TBC1D1: variants seen among roughly 807,000 people sequenced by gnomAD.
TBC1D1 encodes the protein TBC1 domain family member 1.
TBC1D1 carries 89 observed loss-of-function variants against 125.6 expected under a neutral mutation model. The observed-to-expected ratio is 0.71, with a 90% confidence interval of 0.60 to 0.85. The LOEUF (loss-of-function observed/expected upper bound fraction) is 0.85. Among genes scored for constraint, TBC1D1 ranks in the 40% least tolerant of loss-of-function variants. The pLI is 0.00. For missense variants in TBC1D1, 1,377 were observed against 1,469.2 expected (o/e 0.94, Z 1.03); for synonymous variants, 565 against 564.1 (o/e 1.00, Z -0.02).
Position 38,021,646 on chromosome 4 carries a change from G to C in TBC1D1, c.1138G>C (p.Ala380Pro). 6.3e-7 allele frequency: 1 copy of C among 1,597,226 alleles called. No individual in the cohort carries two copies. The highest frequency in any genetic ancestry group is 8.5e-7 in the Non-Finnish European group (1 of 1,172,370). The change falls in exon 6 of 20, where the codon GCT becomes CCT. Residue 380 changes from alanine (A) to proline (P), a missense_variant. Transcript: ENST00000261439. ...CACGGTGGCCGCAGTGCAGCAGACA[G>C]CTAAGGCGCCAGCCCAGCTGTGTGA...
At chr4:38,019,604 C>A (rs1463392252) in intron 4 of TBC1D1, among the ~76,000 whole-genome samples, 3 of 152,118 alleles carry the variant, frequency 2.0e-5, no homozygotes, top group Non-Finnish European at 4.4e-5. Flanking sequence ...ATTACCTGAA[C>A]ATTAAGCTAT....
At chr4:38,052,172 T>C (rs1750692037) in intron 11 of TBC1D1, 112 bp downstream of exon 12, 1 of 322,752 alleles carries the variant, frequency 3.1e-6, no homozygotes, top group Non-Finnish European at 4.8e-6. Flanking sequence ...AGCCACTGTG[T>C]GTGTGTGTGT....
intron 7 of TBC1D1, among the ~76,000 whole-genome samples, chr4:38,031,402 G>T (rs1269584789): frequency 6.6e-6 from 1 of 152,192 alleles, no homozygotes; most frequent in Non-Finnish European, 1.5e-5. Flanking sequence ...GTTGGATTTT[G>T]CATGGTTTTA....
At chr4:37,930,219 A>G (rs1419622440) in intron 2 of TBC1D1, among the ~76,000 whole-genome samples, 3 of 152,252 alleles carry the variant, frequency 2.0e-5, no homozygotes, top group African/African-American at 7.2e-5. Flanking sequence ...TTCTAAAAAC[A>G]TAATGCTGAT....
At chr4:38,062,281 T>TC (rs1161464780) in intron 12 of TBC1D1, among the ~76,000 whole-genome samples, 1 of 152,070 alleles carries the variant, frequency 6.6e-6, no homozygotes, top group African/African-American at 2.4e-5. Context: ...TTTTTTTTTT[T>TC]CCCTGCGTGT....
At chr4:38,134,529 G>A (rs1029092497) in intron 19 of TBC1D1, among the ~76,000 whole-genome samples, 5 of 152,206 alleles carry the variant, frequency 3.3e-5, no homozygotes, top group African/African-American at 9.7e-5. Context: ...GGTACACAGT[G>A]TAGGTGGTCA....
intron 2 of TBC1D1, among the ~76,000 whole-genome samples, chr4:37,962,488 C>G (rs1730246873): frequency 6.6e-6 from 1 of 152,146 alleles, no homozygotes; most frequent in Non-Finnish European, 1.5e-5. Context: ...AAATTTTACT[C>G]TTATAGCTGT....
chr4:37,973,199 C>T (rs1245890788), intron 2 of TBC1D1, among the ~76,000 whole-genome samples: 3 of 152,148 alleles, frequency 2.0e-5, no homozygotes, highest in African/African-American at 2.4e-5. Flanking sequence ...AGACTTGGAT[C>T]AGAGAAAGAC....
intron 8 of TBC1D1, among the ~76,000 whole-genome samples, chr4:38,039,060 T>C (rs1747796619): frequency 6.6e-6 from 1 of 150,864 alleles, no homozygotes; most frequent in Non-Finnish European, 1.5e-5. Context: ...TCACCTTAGA[T>C]TAGTTTTGCC....
chr4:37,939,199 CT>C, intron 2 of TBC1D1, among the ~76,000 whole-genome samples: 1 of 152,334 alleles, frequency 6.6e-6, no homozygotes, highest in Non-Finnish European at 1.5e-5. Flanking sequence ...TGTTTCCTGA[CT>C]TTTTAATGAT....
At chr4:38,025,395 G>T (rs542288658) in intron 6 of TBC1D1, among the ~76,000 whole-genome samples, 32 of 152,342 alleles carry the variant, frequency 2.1e-4, no homozygotes, top group African/African-American at 6.7e-4. Flanking sequence ...ACCCAGGAGG[G>T]GCTAGCTGTG....
At chr4:37,961,208 CT>C (rs1317099186) in intron 2 of TBC1D1, 1 of 739,260 alleles carries the variant, frequency 1.4e-6, no homozygotes, top group Non-Finnish European at 2.1e-6. Context: ...AGCCCGTACT[CT>C]TTGGGGATAT....
intron 2 of TBC1D1, among the ~76,000 whole-genome samples, chr4:37,915,095 C>T (rs1719442013): frequency 2.0e-5 from 3 of 152,256 alleles, no homozygotes; most frequent in Admixed American, 2.0e-4. Context: ...GTCTTCTTCA[C>T]TGCTAGTCCC....
intron 17 of TBC1D1, among the ~76,000 whole-genome samples, chr4:38,124,149 G>A (rs1764276419): frequency 6.6e-6 from 1 of 151,982 alleles, no homozygotes; most frequent in Admixed American, 6.6e-5. Flanking sequence ...TAGTTATTAG[G>A]TAACCTGCCT....
At chr4:38,003,782 C>T (rs1000320986) in intron 2 of TBC1D1, among the ~76,000 whole-genome samples, 15 of 151,504 alleles carry the variant, frequency 9.9e-5, no homozygotes, top group Admixed American at 9.2e-4. Context: ...ATGGGATAAT[C>T]GCTCAAGCCT....
At chr4:38,093,490 C>A (rs1758771440) in intron 13 of TBC1D1, among the ~76,000 whole-genome samples, 1 of 151,466 alleles carries the variant, frequency 6.6e-6, no homozygotes, top group Non-Finnish European at 1.5e-5. Context: ...GACACCAGTC[C>A]TCCACCGTCC....
intron 18 of TBC1D1, among the ~76,000 whole-genome samples, chr4:38,127,466 C>T (rs890182996): frequency 6.7e-6 from 1 of 150,274 alleles, no homozygotes; most frequent in African/African-American, 2.5e-5. Context: ...CTCACTGCAA[C>T]CTCCACCTTC....
At chr4:38,093,856 A>G (rs1171114969) in intron 13 of TBC1D1, among the ~76,000 whole-genome samples, 1 of 152,106 alleles carries the variant, frequency 6.6e-6, no homozygotes. Flanking sequence ...TTTTAAATGA[A>G]GATGTGAGCA....
At chr4:38,042,525 G>T (rs1449988701) in intron 8 of TBC1D1, among the ~76,000 whole-genome samples, 1 of 152,160 alleles carries the variant, frequency 6.6e-6, no homozygotes, top group East Asian at 1.9e-4. Context: ...AAAGTTCTGG[G>T]ATTACAGGCA....
Sources: gnomAD v4.1 joint callset for allele counts (sites outside exome capture counted in the v4.1 genomes callset) on GRCh38, gnomAD v4.1.1 for gene constraint, MANE v1.5 for transcripts, NCBI Gene and HGNC (gene_info 2026-07-23, HGNC 2026-07-21) for gene names.